The following ANKFN1 variants were observed in gnomAD, a reference collection of about 807,000 sequenced individuals.
ANKFN1 encodes ankyrin repeat and fibronectin type-III domain-containing protein 1.
ANKFN1 carries 74 observed loss-of-function variants against 108.7 expected under a neutral mutation model. That is an observed-to-expected ratio of 0.68 (90% CI 0.56 to 0.83). ANKFN1 has a LOEUF of 0.83. Ranked by LOEUF, ANKFN1 falls within the 40% of genes least tolerant of loss-of-function variation. The pLI, the probability that ANKFN1 is intolerant of heterozygous loss-of-function variation, is 0.00. For synonymous variants in ANKFN1, 547 were observed against 516.2 expected (o/e 1.06, Z -0.81); for missense variants, 1,505 against 1,382.3 (o/e 1.09, Z -1.41).
intron 4 of ANKFN1, among the ~76,000 whole-genome samples, chr17:56,335,356 G>A (rs1020468458): frequency 6.6e-6 from 1 of 152,126 alleles, no homozygotes; most frequent in Admixed American, 6.6e-5. Context: ...CATGAGCATG[G>A]ACTCTTCTTC....
chr17:56,439,753 A>G (rs1007308443), intron 8 of ANKFN1, among the ~76,000 whole-genome samples: 2 of 152,190 alleles, frequency 1.3e-5, no homozygotes, highest in Non-Finnish European at 2.9e-5. Flanking sequence ...TGAAAATCTC[A>G]CTCAGACCTT....
intron 4 of ANKFN1, among the ~76,000 whole-genome samples, chr17:56,340,490 G>T (rs996825192): frequency 6.6e-6 from 1 of 151,994 alleles, no homozygotes; most frequent in African/African-American, 2.4e-5. Context: ...TATATATGAT[G>T]TAAGGAAGGG....
intron 3 of ANKFN1, among the ~76,000 whole-genome samples, chr17:56,279,500 G>C (rs2044016323): frequency 6.6e-6 from 1 of 152,164 alleles, no homozygotes; most frequent in African/African-American, 2.4e-5. Context: ...CTCGAAAATT[G>C]ACAACACAAA....
intron 3 of ANKFN1, among the ~76,000 whole-genome samples, chr17:56,286,594 A>G (rs1208323559): frequency 6.6e-6 from 1 of 152,124 alleles, no homozygotes; most frequent in Non-Finnish European, 1.5e-5. Flanking sequence ...GGGCTTCCTT[A>G]CAACATGGCG....
chr17:56,423,512 G>A (rs760384822), intron 8 of ANKFN1, among the ~76,000 whole-genome samples: 18 of 152,122 alleles, frequency 1.2e-4, no homozygotes, highest in Admixed American at 2.0e-4. Context: ...TCAGCATTGC[G>A]TACAAGGCCT....
intron 4 of ANKFN1, among the ~76,000 whole-genome samples, chr17:56,109,804 G>A (rs940099619): frequency 6.6e-6 from 1 of 152,190 alleles, no homozygotes; most frequent in African/African-American, 2.4e-5. Context: ...CTGCTGAGAG[G>A]ATTAAATGAA....
chr17:56,299,115 A>G (rs544706481), intron 3 of ANKFN1, among the ~76,000 whole-genome samples: 1 of 152,340 alleles, frequency 6.6e-6, no homozygotes, highest in African/African-American at 2.4e-5. Flanking sequence ...CCAAATGAGG[A>G]AATAACAGAT....
At chr17:56,420,747 G>T (rs187430256) in intron 8 of ANKFN1, among the ~76,000 whole-genome samples, 1 of 135,230 alleles carries the variant, frequency 7.4e-6, no homozygotes, top group Admixed American at 8.5e-5. Flanking sequence ...TCACTCTGTC[G>T]CCCAGGCTGG....
At chr17:56,105,417 G>C (rs547841519) in intron 4 of ANKFN1, among the ~76,000 whole-genome samples, 1 of 151,914 alleles carries the variant, frequency 6.6e-6, no homozygotes, top group Non-Finnish European at 1.5e-5. Context: ...CGGCTTTATG[G>C]AACAATTCAG....
intron 1 of ANKFN1, among the ~76,000 whole-genome samples, chr17:56,211,049 G>A (rs748751964): frequency 4.6e-5 from 7 of 152,118 alleles, no homozygotes; most frequent in Admixed American, 6.5e-5. Context: ...CCACTCTGTG[G>A]GTTTTCTGTT....
intron 1 of ANKFN1, among the ~76,000 whole-genome samples, chr17:56,185,141 T>G (rs1912068112): frequency 6.6e-6 from 1 of 152,058 alleles, no homozygotes; most frequent in African/African-American, 2.4e-5. Flanking sequence ...TGACCTAAAC[T>G]CCAATCCCAA....
chr17:56,377,865 T>A (rs1186483147), intron 8 of ANKFN1, among the ~76,000 whole-genome samples: 1 of 152,132 alleles, frequency 6.6e-6, no homozygotes, highest in Non-Finnish European at 1.5e-5. Flanking sequence ...TTTTTCTTAA[T>A]TGGGCCTCGA....
At chr17:56,406,200 C>T (rs1000483322) in intron 8 of ANKFN1, among the ~76,000 whole-genome samples, 5 of 152,260 alleles carry the variant, frequency 3.3e-5, no homozygotes, top group Admixed American at 3.3e-4. Context: ...AGACTCTTTT[C>T]ATCCCATACG....
At chr17:56,293,287 C>T (rs2044414569) in intron 3 of ANKFN1, among the ~76,000 whole-genome samples, 3 of 152,176 alleles carry the variant, frequency 2.0e-5, no homozygotes, top group Admixed American at 6.5e-5. Context: ...CAGGGCCAAA[C>T]ATATTTATCC....
At chr17:56,477,418 G>T in intron 15 of ANKFN1, 70 bp from the exon 16 acceptor site, 2 of 1,410,398 alleles carry the variant, frequency 1.4e-6, no homozygotes, top group Non-Finnish European at 1.9e-6. Flanking sequence ...CCTTAGAAAG[G>T]AAAAGGTTTT....
chr17:56,150,272 G>T (rs1486019898), upstream of ANKFN1, among the ~76,000 whole-genome samples: 2 of 152,146 alleles, frequency 1.3e-5, no homozygotes, highest in African/African-American at 4.8e-5. Context: ...TGATTAAGTT[G>T]GGAAATTTCA....
chr17:56,445,703 C>T (rs372996649), intron 10 of ANKFN1, among the ~76,000 whole-genome samples: 3 of 152,170 alleles, frequency 2.0e-5, no homozygotes, highest in East Asian at 3.9e-4. Context: ...TAATATGTTC[C>T]AGTAGGCTAT....
At chr17:56,507,082 T>C (rs2051595436) in intron 20 of ANKFN1, among the ~76,000 whole-genome samples, 1 of 152,156 alleles carries the variant, frequency 6.6e-6, no homozygotes, top group Admixed American at 6.5e-5. Context: ...AGAAGGGAGT[T>C]CAACTACAGT....
chr17:56,290,384 G>A (rs2044328367), intron 3 of ANKFN1, among the ~76,000 whole-genome samples: 1 of 152,250 alleles, frequency 6.6e-6, no homozygotes, highest in South Asian at 2.1e-4. Context: ...TATCATGTTT[G>A]TATTTACAAG....
Sources: gnomAD v4.1 joint callset for allele counts (sites outside exome capture counted in the v4.1 genomes callset) on GRCh38, gnomAD v4.1.1 for gene constraint, MANE v1.5 for transcripts, NCBI Gene and HGNC (gene_info 2026-07-23, HGNC 2026-07-21) for gene names.